Variants in NRK observed in about 807,000 individuals in gnomAD.
NRK encodes Nik related kinase.
Under a neutral mutation model 125.2 loss-of-function variants are expected in NRK, and 67 were observed. The observed-to-expected ratio is 0.54, with a 90% CI of 0.44 to 0.66. NRK has a LOEUF of 0.66. NRK is among the 30% of genes least tolerant of loss of function. The pLI is 0.00. For synonymous variants in NRK, 458 were observed against 429.0 expected (o/e 1.07, Z -0.84); for missense variants, 1,224 against 1,192.9 (o/e 1.03, Z -0.38).
Position 105,937,535 on chromosome X carries a change from G to A in NRK, c.3752G>A (p.Arg1251His), listed in dbSNP as rs544266682. Reference sequence around the variant, plus strand: ...AAACTTATAAGGCGAAGACCATTCCGCCAGATTCAAGTCTTAGAGCCACTC... The same window carrying A: ...AAACTTATAAGGCGAAGACCATTCCACCAGATTCAAGTCTTAGAGCCACTC... Reference protein sequence around the residue: ...ITKLIRRRPFRQIQVLEPLNL... With the variant: ...ITKLIRRRPFHQIQVLEPLNL... Residue 1251 changes from arginine to histidine, a missense_variant, in exon 22 of 29, where the codon CGC becomes CAC. By Grantham distance (29) the Arg-to-His change is conservative. Transcript: ENST00000243300. 35 of 1,201,297 alleles carry A rather than the reference G, an allele frequency of 2.9e-5. No individual in the cohort carries two copies. Among genetic ancestry groups the A allele is most frequent in the Admixed American group, 1.1e-4 (5 of 45,239 alleles).
chrX:105,916,323 C>A (rs1427835972), intron 15 of NRK, among the ~76,000 whole-genome samples: 2 of 110,745 alleles, frequency 1.8e-5, no homozygotes, highest in African/African-American at 6.5e-5. Context: ...TATTGGTGAT[C>A]TTCAATAATT....
At chrX:105,894,102 A>G (rs533722187) in intron 6 of NRK, among the ~76,000 whole-genome samples, 160 bp downstream of exon 6, 4 of 112,171 alleles carry the variant, frequency 3.6e-5, no homozygotes, top group African/African-American at 1.3e-4. Flanking sequence ...GAGAAAGCCA[A>G]TTTGCAGCTG....
At chrX:105,922,090 CTA>C (rs2040458881) in intron 17 of NRK, 29 bp downstream of exon 17, 1 of 712,769 alleles carries the variant, frequency 1.4e-6, no homozygotes, top group African/African-American at 2.1e-5. Context: ...ACATTAATGT[CTA>C]TTATTTTTTA....
At position 105,908,776 on chromosome X, in the gene NRK, T is replaced by G; in HGVS notation, c.1135T>G (p.Cys379Gly). The G allele has an allele frequency of 8.3e-7, 1 of 1,209,305 alleles. No individual in the cohort carries two copies. Among genetic ancestry groups the G allele is most frequent in the South Asian group, 1.8e-5 (1 of 56,677 alleles). Reference sequence around the variant, plus strand: ...TCTGAGATTGCCAACCAGCAGCAGATGCAGACCACTTAGAGTCCTGCATGG... The same window carrying G: ...TCTGAGATTGCCAACCAGCAGCAGAGGCAGACCACTTAGAGTCCTGCATGG... ...ELLRLPTSSRCRPLRVLHGEP... is the reference protein window; with the variant it reads ...ELLRLPTSSRGRPLRVLHGEP... The change falls in exon 13 of 29, where the codon TGC becomes GGC. Residue 379 changes from cysteine to glycine, a missense_variant. Transcript: ENST00000243300.
At chrX:105,897,446 TTTAAA>T (rs1373216769) in intron 7 of NRK, among the ~76,000 whole-genome samples, 4 of 112,305 alleles carry the variant, frequency 3.6e-5, no homozygotes, top group Admixed American at 2.8e-4. Context: ...GAAAGAAAAC[TTTAAA>T]TTATGCCATT....
chrX:105,837,466 T>C (rs760419157), intron 2 of NRK, among the ~76,000 whole-genome samples: 1 of 111,576 alleles, frequency 9.0e-6, no homozygotes, highest in South Asian at 3.8e-4. Flanking sequence ...TTTCCAAGGC[T>C]TCGTTCCCTG....
intron 7 of NRK, among the ~76,000 whole-genome samples, chrX:105,897,999 T>C (rs2040107276): frequency 8.9e-6 from 1 of 111,987 alleles, no homozygotes; most frequent in African/African-American, 3.2e-5. Context: ...ATACCAAATA[T>C]TTTCTTATAA....
At chrX:105,937,754 G>A (rs947209404) in intron 22 of NRK, among the ~76,000 whole-genome samples, 172 bp downstream of exon 22, 3 of 111,634 alleles carry the variant, frequency 2.7e-5, no homozygotes, top group Non-Finnish European at 3.8e-5. Context: ...ACAATTTAAA[G>A]TAACTTCCTT....
At chrX:105,918,266 A>T (rs765079367) in intron 16 of NRK, among the ~76,000 whole-genome samples, 3 of 111,648 alleles carry the variant, frequency 2.7e-5, no homozygotes, top group Non-Finnish European at 3.8e-5. Flanking sequence ...TGAATTATAG[A>T]TTTATGAAAT....
chrX:105,882,687 G>C (rs2039898387), intron 4 of NRK, among the ~76,000 whole-genome samples: 1 of 110,668 alleles, frequency 9.0e-6, no homozygotes, highest in South Asian at 3.8e-4. Context: ...AAACTTTCTA[G>C]TTATATTAGA....
chrX:105,944,377 G>A (rs1239202639), intron 24 of NRK, among the ~76,000 whole-genome samples: 1 of 111,310 alleles, frequency 9.0e-6, no homozygotes, highest in Non-Finnish European at 1.9e-5. Flanking sequence ...ATTTTGTAGA[G>A]ATGGGGTCTC....
At chrX:105,888,058 A>G (rs992077577) in intron 4 of NRK, among the ~76,000 whole-genome samples, 1 of 112,518 alleles carries the variant, frequency 8.9e-6, no homozygotes, top group African/African-American at 3.2e-5. Context: ...TCCAGGGACC[A>G]TACCTTAAGA....
chrX:105,869,841 A>G (rs1272788403), intron 2 of NRK, among the ~76,000 whole-genome samples: 1 of 112,376 alleles, frequency 8.9e-6, no homozygotes, highest in Non-Finnish European at 1.9e-5. Flanking sequence ...TGCAGCTTAC[A>G]TCTGTCTGAG....
chrX:105,870,242 C>T (rs2039726902), intron 2 of NRK, among the ~76,000 whole-genome samples: 1 of 111,897 alleles, frequency 8.9e-6, no homozygotes, highest in Admixed American at 9.5e-5. Flanking sequence ...ATCACTTGAT[C>T]ATGCTTTCCA....
intron 5 of NRK, among the ~76,000 whole-genome samples, chrX:105,892,165 C>CA (rs1416495286): frequency 3.6e-5 from 4 of 111,547 alleles, no homozygotes; most frequent in Non-Finnish European, 1.9e-5. Flanking sequence ...AATCTATTTG[C>CA]AAAGACCAGC....
At position 105,893,936 on chromosome X, in the gene NRK, C is replaced by G; in HGVS notation, c.483C>G (p.Ile161Met). ...GGATTGCTTATATCTGCCGAGAAAT[C>G]CTTCAGGTGAGTCTTCATACAGTCA... ...EDWIAYICRE[I>M]LQGLAHLHAH... The change falls in exon 6 of 29, where the codon ATC (isoleucine) becomes ATG (methionine). Residue 161 changes from isoleucine to methionine, a missense_variant. By Grantham distance (10) the Ile-to-Met change is conservative. Coordinates refer to ENST00000243300, the MANE Select transcript of NRK (RefSeq NM_198465.4). 9.2e-7 allele frequency: 1 copy of G among 1,084,190 alleles called. No individual in the cohort carries two copies. The highest frequency in any genetic ancestry group is 2.5e-4 in the Middle Eastern group (1 of 4,041). The allele number at this position is 1,084,190 out of a possible 1,213,427, so 89.3% of individuals were successfully genotyped here.
intron 2 of NRK, among the ~76,000 whole-genome samples, chrX:105,835,483 C>T (rs1226877441): frequency 9.0e-6 from 1 of 110,815 alleles, no homozygotes; most frequent in Non-Finnish European, 1.9e-5. Flanking sequence ...TGTTTTTCTG[C>T]TTCAACCTCA....
chrX:105,857,868 T>A (rs1195288979), intron 2 of NRK, among the ~76,000 whole-genome samples: 1 of 111,188 alleles, frequency 9.0e-6, no homozygotes, highest in Admixed American at 9.6e-5. Flanking sequence ...TCCTTCCCAC[T>A]TTTTTCCTTC....
At chrX:105,923,821 TAAC>T (rs1477284547) in intron 18 of NRK, among the ~76,000 whole-genome samples, 1 of 101,362 alleles carries the variant, frequency 9.9e-6, no homozygotes. Context: ...GTGTGTAACT[TAAC>T]AAGCATAAGA....
Sources: allele counts gnomAD v4.1 joint callset (sites outside exome capture counted in the v4.1 genomes callset), GRCh38; gene constraint gnomAD v4.1.1; transcripts MANE v1.5; gene names NCBI Gene and HGNC (gene_info 2026-07-23, HGNC 2026-07-21).